The following LOXHD1 variants were observed in gnomAD, a reference collection of about 807,000 sequenced individuals.
The protein encoded by LOXHD1 is lipoxygenase homology domain-containing protein 1.
In LOXHD1, 205 loss-of-function variants were observed where a neutral mutation model predicts 248.2. The observed-to-expected ratio is 0.83, with a 90% CI of 0.74 to 0.93. LOXHD1 has a LOEUF of 0.93. Among genes scored for constraint, LOXHD1 ranks in the 40% least tolerant of loss-of-function variants. The pLI is 0.00. For missense variants in LOXHD1, 2,930 were observed against 2,971.6 expected, an observed-to-expected ratio of 0.99 and a Z score of 0.33; for synonymous variants, 1,113 against 1,162.8, an observed-to-expected ratio of 0.96 and a Z score of 0.87.
In LOXHD1 at chr18:46,542,791, G is replaced by T. The variant is rs373013775; in HGVS notation, c.3684C>A (p.Ile1228=). The T allele has an allele frequency of 1.6e-5, 25 of 1,551,712 alleles. No homozygotes were observed. In the African/African-American group the frequency reaches 3.0e-4, roughly 19 times the overall value. ...SDKFERDSIE[I]FTVETLDLGD... ...CCAGATCCAGCGTCTCCACCGTGAA[G>T]ATTTCAATGCTGTCCCTCTCAAACT... Residue 1228 remains isoleucine, a synonymous_variant, in exon 24 of 41, where the codon ATC becomes ATA. Coordinates refer to ENST00000642948, the MANE Select transcript of LOXHD1 (RefSeq NM_001384474.1).
chr18:46,574,472 A>G (rs1233739138), intron 14 of LOXHD1, among the ~76,000 whole-genome samples: 1 of 150,436 alleles, frequency 6.6e-6, no homozygotes, highest in Non-Finnish European at 1.5e-5. Flanking sequence ...CTCCTCTCCA[A>G]CAGAGTTAAA....
intron 12 of LOXHD1, among the ~76,000 whole-genome samples, chr18:46,590,590 A>G (rs1485835755): frequency 6.6e-6 from 1 of 152,176 alleles, no homozygotes; most frequent in African/African-American, 2.4e-5. Context: ...AAGTAATTGC[A>G]ATTTTTGCCA....
chr18:46,550,521 C>T (rs953933038), intron 21 of LOXHD1, among the ~76,000 whole-genome samples: 2 of 140,342 alleles, frequency 1.4e-5, no homozygotes, highest in Non-Finnish European at 1.5e-5. Context: ...TGCAGTGAGC[C>T]GAGATTGCGC....
At chr18:46,593,528 C>A (rs756047227) in intron 10 of LOXHD1, 72 bp downstream of exon 10, 63 of 1,507,608 alleles carry the variant, frequency 4.2e-5, no homozygotes, top group Admixed American at 3.5e-4. Context: ...CTTAGAGAAC[C>A]AGAATCCCCA....
chr18:46,589,876 A>T (rs2038133521), intron 12 of LOXHD1, among the ~76,000 whole-genome samples: 1 of 152,160 alleles, frequency 6.6e-6, no homozygotes, highest in Admixed American at 6.5e-5. Context: ...TTCTTAGGGG[A>T]AAGTCATGCT....
intron 4 of LOXHD1, among the ~76,000 whole-genome samples, chr18:46,621,467 A>G (rs2038667745): frequency 6.6e-6 from 1 of 152,222 alleles, no homozygotes; most frequent in Non-Finnish European, 1.5e-5. Context: ...CGATGAGAGA[A>G]CAAGGCTGAG....
intron 21 of LOXHD1, among the ~76,000 whole-genome samples, chr18:46,552,312 C>T (rs190806604): frequency 6.6e-6 from 1 of 152,300 alleles, no homozygotes; most frequent in East Asian, 1.9e-4. Context: ...ATTAAACAGG[C>T]TTTCTCATGC....
At chr18:46,634,836 G>C (rs1012555893) in intron 4 of LOXHD1, among the ~76,000 whole-genome samples, 8 of 152,206 alleles carry the variant, frequency 5.3e-5, no homozygotes, top group Non-Finnish European at 1.2e-4. Flanking sequence ...TTTCAGGGTG[G>C]CAAGATGAGA....
rs929885889 is a variant in LOXHD1 at position 46,639,893 on chromosome 18, G to A, written c.327-93C>T. On this transcript the variant is annotated intron_variant, in intron 3 of 40. Coordinates refer to ENST00000642948, the MANE Select transcript of LOXHD1 (RefSeq NM_001384474.1). ...TACCCAGATGTTTACTCCAAAGAGA[G>A]GTCCAATTATTCTGTTGTTGTTGTT... The A allele has an allele frequency of 2.8e-6, 4 of 1,424,028 alleles. No individual in the cohort carries two copies. The African/African-American group carries it at 4.3e-5, about 15-fold the overall frequency. 88.2% of individuals were successfully genotyped at this position (1,424,028 alleles called of 1,614,324 possible).
chr18:46,544,962 C>T (rs768458918), intron 23 of LOXHD1: 16 of 482,810 alleles, frequency 3.3e-5, no homozygotes, highest in South Asian at 2.2e-4. Context: ...CTAAACACCA[C>T]CTTCTCTGAG....
At chr18:46,530,820 G>A (rs1311044157) in intron 28 of LOXHD1, among the ~76,000 whole-genome samples, 1 of 152,028 alleles carries the variant, frequency 6.6e-6, no homozygotes. Context: ...ACTCCTTCAT[G>A]GGTAGCTTTA....
intron 2 of LOXHD1, among the ~76,000 whole-genome samples, chr18:46,644,068 T>C (rs961887535): frequency 2.0e-5 from 3 of 152,176 alleles, no homozygotes; most frequent in African/African-American, 7.2e-5. Context: ...TTTTTAACTT[T>C]CCAAAAGGAA....
intron 29 of LOXHD1, among the ~76,000 whole-genome samples, chr18:46,528,633 G>T (rs925702496): frequency 1.3e-5 from 2 of 152,034 alleles, no homozygotes; most frequent in South Asian, 2.1e-4. Flanking sequence ...TGCCTCCACC[G>T]CTCCCAAGGG....
At chr18:46,492,734 T>C (rs2033574438) in intron 37 of LOXHD1, among the ~76,000 whole-genome samples, 3 of 152,230 alleles carry the variant, frequency 2.0e-5, no homozygotes, top group Admixed American at 2.0e-4. Context: ...ACAAACACTC[T>C]ACACTATTGA....
chr18:46,521,286 G>A lies in LOXHD1; in HGVS notation c.5086-4C>T. 6.4e-7 allele frequency: 1 copy of A among 1,551,666 alleles called. No individual in the cohort carries two copies. Among genetic ancestry groups the A allele is most frequent in the Non-Finnish European group, 8.7e-7 (1 of 1,146,998 alleles). On this transcript the variant is annotated splice_polypyrimidine_tract_variant and splice_region_variant and intron_variant, in intron 32 of 40. Transcript: ENST00000642948. ...GGGAGGCCCCGTCATGGCCCAGCTAGGAGGAGACACACCTGATCTGTGACG... is the reference window on the plus strand; with the variant it reads ...GGGAGGCCCCGTCATGGCCCAGCTAAGAGGAGACACACCTGATCTGTGACG...
rs747598527 is a variant in LOXHD1, at chr18:46,594,449, G to A, written c.1152C>T (p.Pro384=). The A allele has an allele frequency of 1.3e-6, 2 of 1,551,562 alleles. No individual in the cohort carries two copies. The highest frequency in any genetic ancestry group is 1.7e-6 in the Non-Finnish European group (2 of 1,146,984). Reference sequence around the variant, plus strand: ...GGAAGGTCTGCTGGATACCAGTGAAGGGGCACAGAATCACCACCTGGGGAG... The same window carrying A: ...GGAAGGTCTGCTGGATACCAGTGAAAGGGCACAGAATCACCACCTGGGGAG... ...WFCEKVVILC[P]FTGIQQTFPC... is the part of the protein sequence containing the mutation. Residue 384 remains proline, a synonymous_variant, in exon 9 of 41, where the codon CCC becomes CCT. Coordinates refer to ENST00000642948, the MANE Select transcript of LOXHD1 (RefSeq NM_001384474.1).
chr18:46,501,344 T>C (rs368809876), intron 37 of LOXHD1, among the ~76,000 whole-genome samples: 242 of 152,318 alleles, frequency 1.6e-3, no homozygotes, highest in African/African-American at 5.6e-3. Context: ...GTCCTTTTCA[T>C]GGTCTATTTA....
rs1424634800 is a variant in LOXHD1 at position 46,533,301 on chromosome 18, T to C, written c.4236A>G (p.Pro1412=). ...CAGAGGTGGCAAGCCACCGATCGCA[T>C]GGGAAAGTCAAGGTCTCTGCACCCT... ...DKDGAETLTF[P]CDRWLATSED... The change falls in exon 28 of 41, where the codon CCA becomes CCG. Residue 1412 remains proline, a synonymous_variant. Transcript: ENST00000642948. The C allele has an allele frequency of 1.3e-6, 2 of 1,551,792 alleles. No individual in the cohort carries two copies. The highest frequency in any genetic ancestry group is 1.4e-5 in the African/African-American group (1 of 73,146).
At chr18:46,595,972 G>A (rs1226297725) in intron 8 of LOXHD1, among the ~76,000 whole-genome samples, 1 of 152,058 alleles carries the variant, frequency 6.6e-6, no homozygotes, top group Non-Finnish European at 1.5e-5. Context: ...TAAACATATA[G>A]TAAGCGCTTA....
Sources: allele counts gnomAD v4.1 joint callset (sites outside exome capture counted in the v4.1 genomes callset), GRCh38; gene constraint gnomAD v4.1.1; transcripts MANE v1.5; gene names NCBI Gene and HGNC (gene_info 2026-07-23, HGNC 2026-07-21).